The following PACRG variants were observed in gnomAD, a reference collection of about 807,000 sequenced individuals.
The protein encoded by PACRG is parkin coregulated gene protein.
A neutral mutation model predicts 29.7 loss-of-function variants in PACRG; 29 were observed. That is an observed-to-expected ratio of 0.98 (90% CI 0.73 to 1.33). The LOEUF (loss-of-function observed/expected upper bound fraction) is 1.33, where lower values mean the gene tolerates loss of function less well. Ranked by LOEUF, PACRG falls within the 40% of genes most tolerant of loss-of-function variation. The pLI, the probability that PACRG is intolerant of heterozygous loss-of-function variation, is 0.00. For missense variants in PACRG, 279 were observed against 316.2 expected (o/e 0.88, Z 0.89); for synonymous variants, 116 against 118.7 (o/e 0.98, Z 0.15).
At chr6:162,870,614 G>A (rs536744648) in intron 2 of PACRG, among the ~76,000 whole-genome samples, 3 of 152,172 alleles carry the variant, frequency 2.0e-5, no homozygotes, top group Non-Finnish European at 4.4e-5. Flanking sequence ...GTCCACTGTG[G>A]CATTCTTATG....
intron 2 of PACRG, among the ~76,000 whole-genome samples, chr6:162,911,910 A>G (rs1035329743): frequency 2.6e-5 from 4 of 152,208 alleles, no homozygotes; most frequent in African/African-American, 9.6e-5. Context: ...GAAGTAACCT[A>G]TAATTGAGAA....
intron 1 of PACRG, among the ~76,000 whole-genome samples, chr6:162,745,005 C>T (rs1274814740): frequency 6.6e-6 from 1 of 151,948 alleles, no homozygotes; most frequent in Non-Finnish European, 1.5e-5. Context: ...CTTTTGGGCC[C>T]AGCATTCTAG....
intron 2 of PACRG, among the ~76,000 whole-genome samples, chr6:162,848,227 A>G (rs1790572621): frequency 1.3e-5 from 2 of 152,234 alleles, no homozygotes; most frequent in Admixed American, 1.3e-4. Flanking sequence ...TGAGCAACAG[A>G]CAAACTTCAC....
intron 2 of PACRG, among the ~76,000 whole-genome samples, chr6:162,966,477 A>ATTTT (rs67914954): frequency 1.9e-4 from 24 of 125,176 alleles, no homozygotes; most frequent in African/African-American, 6.9e-4. Context: ...AATGACATGT[A>ATTTT]TTTTTTTTTT....
chr6:162,768,707 C>G (rs1562578013), intron 1 of PACRG, among the ~76,000 whole-genome samples: 2 of 151,538 alleles, frequency 1.3e-5, no homozygotes. Context: ...GACTTTTTCA[C>G]TGAATTCTGA....
chr6:163,024,923 A>C (rs185457124), intron 2 of PACRG, among the ~76,000 whole-genome samples: 94 of 152,342 alleles, frequency 6.2e-4, no homozygotes, highest in African/African-American at 1.9e-3. Flanking sequence ...GGTTCAACAT[A>C]TACAAATCAA....
chr6:163,181,125 G>T (rs947954738), intron 4 of PACRG, among the ~76,000 whole-genome samples: 45 of 152,200 alleles, frequency 3.0e-4, no homozygotes, highest in African/African-American at 7.7e-4. Flanking sequence ...GGATAGAAGG[G>T]GCTGAGGGAT....
At chr6:163,252,371 G>C (rs1185147142) in intron 4 of PACRG, among the ~76,000 whole-genome samples, 1 of 152,242 alleles carries the variant, frequency 6.6e-6, no homozygotes, top group African/African-American at 2.4e-5. Context: ...ATGAGCAGCA[G>C]GGGGGCGACA....
intron 2 of PACRG, among the ~76,000 whole-genome samples, chr6:162,958,874 TATATATATATAGAGAGAGAGAGAGAGAG>T (rs56297734): frequency 0.12 from 5,077 of 43,738 alleles, 118 homozygotes; most frequent in South Asian, 0.18. Flanking sequence ...TATATATATA[TATATATATATAGAGAGAGAGAGAGAGAG>T]AGAGAGAGAG....
At chr6:163,296,330 G>A (rs577125330) in intron 4 of PACRG, among the ~76,000 whole-genome samples, 80 of 151,922 alleles carry the variant, frequency 5.3e-4, no homozygotes, top group African/African-American at 1.7e-3. Context: ...TCGCCCTGTC[G>A]CCCAGGCCAG....
chr6:162,908,140 G>A (rs2128071264), intron 2 of PACRG, among the ~76,000 whole-genome samples: 1 of 152,260 alleles, frequency 6.6e-6, no homozygotes, highest in Non-Finnish European at 1.5e-5. Context: ...CTTACATAAA[G>A]TCATATACCA....
intron 2 of PACRG, among the ~76,000 whole-genome samples, chr6:162,977,561 C>T (rs1011848096): frequency 2.0e-5 from 3 of 152,046 alleles, no homozygotes; most frequent in East Asian, 3.9e-4. Context: ...CACCCTTCTC[C>T]GACTGACCAA....
At chr6:162,770,001 A>G (rs527929840) in intron 1 of PACRG, among the ~76,000 whole-genome samples, 3 of 152,106 alleles carry the variant, frequency 2.0e-5, no homozygotes, top group African/African-American at 7.2e-5. Flanking sequence ...GGCCCTCATT[A>G]TTTTTATGAG....
chr6:163,285,237 C>G (rs1250900086), intron 4 of PACRG, among the ~76,000 whole-genome samples: 1 of 151,936 alleles, frequency 6.6e-6, no homozygotes, highest in Admixed American at 6.6e-5. Flanking sequence ...ACAGATCCAA[C>G]TCTCCCCTAC....
rs550520150 is a variant in PACRG, at chr6:163,217,509, C to T, written c.614-97318C>T. On this transcript the variant is annotated intron_variant, in intron 4 of 4. Transcript: ENST00000366888. ...TAGGCAACAATCTTTCTACATACCCCGAGGGTAGGGGTTCCCGGGGTAGGG... is the reference window on the plus strand; with the variant it reads ...TAGGCAACAATCTTTCTACATACCCTGAGGGTAGGGGTTCCCGGGGTAGGG... 5.9e-5 allele frequency among the ~76,000 whole-genome samples: 9 copies of T among 152,292 alleles called. No individual in the cohort carries two copies. In the East Asian group the frequency reaches 7.7e-4, roughly 13 times the overall value.
intron 2 of PACRG, among the ~76,000 whole-genome samples, chr6:162,886,669 A>T (rs1794360339): frequency 6.6e-6 from 1 of 152,066 alleles, no homozygotes; most frequent in Non-Finnish European, 1.5e-5. Flanking sequence ...TTGACCATTT[A>T]TTTTTATGTC....
chr6:162,813,795 T>C (rs975973739), intron 1 of PACRG, among the ~76,000 whole-genome samples: 4 of 152,148 alleles, frequency 2.6e-5, no homozygotes, highest in Admixed American at 1.3e-4. Flanking sequence ...TATAAGTATT[T>C]GAAATTGTAA....
At chr6:163,056,297 T>C (rs1810584281) in intron 2 of PACRG, among the ~76,000 whole-genome samples, 1 of 152,224 alleles carries the variant, frequency 6.6e-6, no homozygotes, top group Non-Finnish European at 1.5e-5. Flanking sequence ...GTAATATTCA[T>C]AGCAGCATTA....
At position 162,728,079 on chromosome 6, in the gene PACRG, C is replaced by G. The variant is rs760001396; in HGVS notation, c.-157C>G. ...GGGTCCAGCTCCCTTCACCTAGGAG[C>G]TGCCAAACATCTGGATCAACCTGGG... is the stretch of plus-strand genomic sequence containing the variant. On this transcript the variant is annotated 5_prime_UTR_variant, in exon 1 of 5. Transcript: ENST00000366888. The G allele has an allele frequency of 2.6e-4, 229 of 892,198 alleles. No homozygotes were observed. Among genetic ancestry groups the G allele is most frequent in the Non-Finnish European group, 3.6e-4 (207 of 579,258 alleles). 55.3% of individuals were successfully genotyped at this position (892,198 alleles called of 1,614,324 possible). A position where few individuals can be genotyped will look rare whatever the true frequency, so the allele number is the denominator to read the frequency against.
Sources: allele counts gnomAD v4.1 joint callset (sites outside exome capture counted in the v4.1 genomes callset), GRCh38; gene constraint gnomAD v4.1.1; transcripts MANE v1.5; gene names NCBI Gene and HGNC (gene_info 2026-07-23, HGNC 2026-07-21).